Variants in NBEA observed in about 807,000 individuals in gnomAD.
The protein encoded by NBEA is neurobeachin.
A neutral mutation model predicts 343.4 loss-of-function variants in NBEA; 44 were observed. The observed-to-expected ratio is 0.13, with a 90% CI of 0.10 to 0.16. The LOEUF (loss-of-function observed/expected upper bound fraction) is 0.16. NBEA is among the 10% of genes least tolerant of loss of function. The pLI, the probability that NBEA is intolerant of heterozygous loss-of-function variation, is 1.00. For synonymous variants in NBEA, 1,175 were observed against 1,238.7 expected, an observed-to-expected ratio of 0.95 and a Z score of 1.08; for missense variants, 2,555 against 3,631.3, an observed-to-expected ratio of 0.70 and a Z score of 7.62.
intron 41 of NBEA, among the ~76,000 whole-genome samples, chr13:35,499,781 AAC>A (rs1484271937): frequency 2.6e-5 from 4 of 152,100 alleles, no homozygotes; most frequent in African/African-American, 4.8e-5. Flanking sequence ...CTACAGAAGA[AAC>A]ACAATTAAAC....
chr13:35,623,752 C>A (rs975761440), intron 48 of NBEA, among the ~76,000 whole-genome samples: 1 of 151,982 alleles, frequency 6.6e-6, no homozygotes, highest in Admixed American at 6.6e-5. Flanking sequence ...TTGAGACTTA[C>A]AAGGCTTATG....
At chr13:35,416,333 C>T (rs2043908122) in intron 38 of NBEA, among the ~76,000 whole-genome samples, 1 of 152,092 alleles carries the variant, frequency 6.6e-6, no homozygotes, top group African/African-American at 2.4e-5. Context: ...GGAAGTGCTT[C>T]CAGTTTTTGC....
intron 34 of NBEA, among the ~76,000 whole-genome samples, chr13:35,240,106 C>A (rs2029960857): frequency 6.6e-6 from 1 of 150,976 alleles, no homozygotes; most frequent in Non-Finnish European, 1.5e-5. Context: ...CATTGAAACA[C>A]CTGGATATGT....
At chr13:34,980,673 G>C (rs2060327638) in intron 1 of NBEA, among the ~76,000 whole-genome samples, 1 of 151,874 alleles carries the variant, frequency 6.6e-6, no homozygotes, top group Non-Finnish European at 1.5e-5. Context: ...GCATCCTTAG[G>C]TTGTTAAGGA....
At chr13:35,340,727 A>C (rs1355993158) in intron 36 of NBEA, among the ~76,000 whole-genome samples, 1 of 152,088 alleles carries the variant, frequency 6.6e-6, no homozygotes, top group Non-Finnish European at 1.5e-5. Flanking sequence ...ATTTCTTTCA[A>C]ACATTGTTGA....
chr13:35,540,960 G>A (rs899765214), intron 41 of NBEA, among the ~76,000 whole-genome samples: 2 of 152,112 alleles, frequency 1.3e-5, no homozygotes, highest in African/African-American at 4.8e-5. Context: ...CTACCTTGCA[G>A]CCACAGCAGT....
At chr13:35,499,204 G>C (rs2076794471) in intron 41 of NBEA, among the ~76,000 whole-genome samples, 1 of 152,008 alleles carries the variant, frequency 6.6e-6, no homozygotes, top group Admixed American at 6.6e-5. Flanking sequence ...TCAATTCTTT[G>C]GTTTTGGCAG....
intron 38 of NBEA, among the ~76,000 whole-genome samples, chr13:35,383,439 G>A (rs574379976): frequency 1.3e-5 from 2 of 152,286 alleles, no homozygotes; most frequent in South Asian, 2.1e-4. Flanking sequence ...AATTCAGAGA[G>A]CTATAGGGTT....
Position 34,942,954 on chromosome 13 carries a change from T to G in NBEA, c.134T>G (p.Leu45Arg). Residue 45 changes from leucine to arginine, a missense_variant, in exon 1 of 59, where the codon CTA (leucine) becomes CGA (arginine). Transcript: ENST00000379939. ...GGTGGSGMGELRGASGSGSVM... is the reference protein window; with the variant it reads ...GGTGGSGMGERRGASGSGSVM... The stretch of plus-strand genomic sequence containing the variant: ...ACCGGGGGCAGCGGGATGGGGGAGC[T>G]AAGGGGGGCGTCCGGCTCCGGCTCG... 6.3e-7 allele frequency: 1 copy of G among 1,586,934 alleles called. No homozygotes were observed. The highest frequency in any genetic ancestry group is 8.6e-7 in the Non-Finnish European group (1 of 1,167,926).
intron 13 of NBEA, among the ~76,000 whole-genome samples, chr13:35,114,522 G>C (rs2066399572): frequency 6.6e-6 from 1 of 151,798 alleles, no homozygotes; most frequent in Non-Finnish European, 1.5e-5. Context: ...TTGTTTCTTT[G>C]GCACTGCCAC....
chr13:35,033,938 A>G (rs1234646088), intron 1 of NBEA, among the ~76,000 whole-genome samples: 4 of 151,704 alleles, frequency 2.6e-5, no homozygotes, highest in Non-Finnish European at 5.9e-5. Flanking sequence ...ATAAGATTCT[A>G]TCATCCGCAA....
chr13:35,136,704 T>C (rs1057029742), intron 17 of NBEA, among the ~76,000 whole-genome samples: 2 of 152,226 alleles, frequency 1.3e-5, no homozygotes, highest in African/African-American at 4.8e-5. Flanking sequence ...ATGCAGTGTC[T>C]GCAAGTTCTG....
rs371033013 is a variant in NBEA, at chr13:35,048,665, G to A, written c.826G>A (p.Asp276Asn). ...ATTAAATAATATTAATGTTGATAAG[G>A]ATAAACCTTATCTTTATTGGTAAGT... The part of the protein sequence containing the change: ...DPLNNINVDK[D>N]KPYLYCFRTS... Residue 276 changes from aspartate (D) to asparagine (N), a missense_variant, in exon 5 of 59, where the codon GAT (aspartate) becomes AAT (asparagine). Physicochemically the swap from Asp to Asn is conservative, Grantham distance 23. Coordinates refer to ENST00000379939, the MANE Select transcript of NBEA (RefSeq NM_001385012.1). The A allele has an allele frequency of 4.3e-6, 6 of 1,383,336 alleles. No homozygotes were observed. The African/African-American group carries it at 7.2e-5, about 17-fold the overall frequency. The allele number at this position is 1,383,336 out of a possible 1,614,324, so 85.7% of individuals were successfully genotyped here.
chr13:35,308,447 T>TAC (rs1449079275), intron 35 of NBEA, among the ~76,000 whole-genome samples: 10 of 93,648 alleles, frequency 1.1e-4, no homozygotes, highest in South Asian at 3.0e-4. Context: ...ACTATATATA[T>TAC]ATATATATAT....
chr13:35,248,147 C>T (rs2031475270), intron 34 of NBEA, among the ~76,000 whole-genome samples: 1 of 152,024 alleles, frequency 6.6e-6, no homozygotes, highest in South Asian at 2.1e-4. Flanking sequence ...AAACTAGATG[C>T]AGTACTAAAA....
At chr13:35,536,074 C>A (rs1463697738) in intron 41 of NBEA, among the ~76,000 whole-genome samples, 6 of 152,116 alleles carry the variant, frequency 3.9e-5, no homozygotes, top group African/African-American at 1.4e-4. Context: ...TTCTCATGAA[C>A]CCCAAGCATG....
chr13:35,125,494 A>T (rs1215274362), intron 17 of NBEA, among the ~76,000 whole-genome samples: 3 of 152,234 alleles, frequency 2.0e-5, no homozygotes, highest in African/African-American at 7.2e-5. Context: ...AAGATATATC[A>T]CAAAGAATTA....
At chr13:35,259,667 A>G (rs2009655770) in intron 34 of NBEA, among the ~76,000 whole-genome samples, 1 of 152,020 alleles carries the variant, frequency 6.6e-6, no homozygotes, top group African/African-American at 2.4e-5. Context: ...TTTAAAAAAT[A>G]TATTATAATT....
At chr13:35,020,930 C>T (rs1258192094) in intron 1 of NBEA, among the ~76,000 whole-genome samples, 1 of 152,066 alleles carries the variant, frequency 6.6e-6, no homozygotes, top group South Asian at 2.1e-4. Flanking sequence ...TTGTCTATTT[C>T]TCTTTCATTT....
Sources: allele counts gnomAD v4.1 joint callset (sites outside exome capture counted in the v4.1 genomes callset), GRCh38; gene constraint gnomAD v4.1.1; transcripts MANE v1.5; gene names NCBI Gene and HGNC (gene_info 2026-07-23, HGNC 2026-07-21).